The following POLR3F variants were observed in gnomAD, a reference collection of about 807,000 sequenced individuals.
POLR3F encodes the protein DNA-directed RNA polymerase III subunit RPC6.
In POLR3F, 31 loss-of-function variants were observed where a neutral mutation model predicts 43.6. The observed-to-expected ratio is 0.71, with a 90% CI of 0.53 to 0.96. The LOEUF (loss-of-function observed/expected upper bound fraction) is 0.96, where lower values mean the gene tolerates loss of function less well. Among genes scored for constraint, POLR3F ranks in the 40% least tolerant of loss-of-function variants. POLR3F has a pLI of 0.00. For synonymous variants in POLR3F, 114 were observed against 132.5 expected, an observed-to-expected ratio of 0.86 and a Z score of 0.96; for missense variants, 316 against 391.7, an observed-to-expected ratio of 0.81 and a Z score of 1.63.
chr20:18,474,641 C>T lies in POLR3F; in HGVS notation c.317-434C>T, dbSNP rs575772244. On this transcript the variant is annotated intron_variant, in intron 4 of 8. Coordinates refer to ENST00000377603, the MANE Select transcript of POLR3F (RefSeq NM_006466.4). ...TCAAACGAGTCTCATGCCTCAGCCT[C>T]CCGAGTAGCTAGGACTACAGGTGCA... 6.6e-5 allele frequency among the ~76,000 whole-genome samples: 10 copies of T among 152,130 alleles called. No individual in the cohort carries two copies. The East Asian group carries it at 7.7e-4, about 12-fold the overall frequency.
Position 18,467,520 on chromosome 20 carries a change from AG to A in POLR3F, c.16del (p.Val6Ter). ...AACTGCGCCCTCATGGCGGAGGTGA[AG>A]GTGAAGGTGCAGCCGCCTGACGCGG... MAEV[K>X]VKVQPPDADP... On this transcript the variant is annotated frameshift_variant, in exon 1 of 9. Transcript: ENST00000377603. LOFTEE classifies it high-confidence loss of function. 6.2e-7 allele frequency: 1 copy of A among 1,614,256 alleles called. No homozygotes were observed. The highest frequency in any genetic ancestry group is 8.5e-7 in the Non-Finnish European group (1 of 1,180,044).
In POLR3F at chr20:18,475,063, A is replaced by G. The variant is rs758035301; in HGVS notation, c.317-12A>G. 2.8e-6 allele frequency: 3 copies of G among 1,082,116 alleles called. No individual in the cohort carries two copies. Among genetic ancestry groups the G allele is most frequent in the Non-Finnish European group, 4.2e-6 (3 of 714,654 alleles). 67.0% of individuals were successfully genotyped at this position (1,082,116 alleles called of 1,614,324 possible). A position where few individuals can be genotyped will look rare whatever the true frequency, so the allele number is the denominator to read the frequency against. Reference sequence around the variant, plus strand: ...ACCAGAGTTCAACTTATTTTACTTTACTTTCTTATAGGAATATGGAGCAGA... The same window carrying G: ...ACCAGAGTTCAACTTATTTTACTTTGCTTTCTTATAGGAATATGGAGCAGA... On this transcript the variant is annotated splice_polypyrimidine_tract_variant and intron_variant, in intron 4 of 8. Transcript: ENST00000377603.
Position 18,473,606 on chromosome 20 carries a change from G to A in POLR3F, c.316+148G>A, listed in dbSNP as rs1046069005. ...ATACAAATATAACATGCATGTGCTT[G>A]AAGGACACCCAAGAGTAAGGCCGTT... is the stretch of plus-strand genomic sequence containing the variant. On this transcript the variant is annotated intron_variant, in intron 4 of 8. Coordinates refer to ENST00000377603, the MANE Select transcript of POLR3F (RefSeq NM_006466.4). 1.8e-5 allele frequency: 8 copies of A among 445,290 alleles called. No homozygotes were observed. In the Admixed American group the frequency reaches 2.9e-4, roughly 16 times the overall value. 27.6% of individuals were successfully genotyped at this position (445,290 alleles called of 1,614,324 possible).
In POLR3F at chr20:18,467,478, T is replaced by C. The variant is rs1251045714; in HGVS notation, c.-29T>C. 4 of 1,613,670 alleles carry C rather than the reference T, an allele frequency of 2.5e-6. No homozygotes were observed. Among genetic ancestry groups the C allele is most frequent in the East Asian group, 4.5e-5 (2 of 44,872 alleles). Reference sequence around the variant, plus strand: ...GCTACCGGGCTGCTCCGTGCATCTTTCCCCCCAGGCGTCAGGAACTGCGCC... The same window carrying C: ...GCTACCGGGCTGCTCCGTGCATCTTCCCCCCCAGGCGTCAGGAACTGCGCC... On this transcript the variant is annotated 5_prime_UTR_variant, in exon 1 of 9. Coordinates refer to ENST00000377603, the MANE Select transcript of POLR3F (RefSeq NM_006466.4).
At chr20:18,469,770 A>G (rs556464701) in intron 2 of POLR3F, among the ~76,000 whole-genome samples, 2 of 152,336 alleles carry the variant, frequency 1.3e-5, no homozygotes, top group East Asian at 3.9e-4. Context: ...GTATTTATTA[A>G]TTGCCACTGC....
In POLR3F at chr20:18,482,458, G is replaced by C. The variant is rs576197663; in HGVS notation, c.873+648G>C. Among the ~76,000 whole-genome samples, 333 of 152,250 alleles carry C rather than the reference G, an allele frequency of 2.2e-3. 2 individuals are homozygous for C. Among genetic ancestry groups the C allele is most frequent in the Non-Finnish European group, 3.6e-3 (247 of 68,010 alleles). On this transcript the variant is annotated intron_variant, in intron 8 of 8. Transcript: ENST00000377603. ...AGATATGTCCTTGATGATTTCCATA[G>C]GCGGTCTCATTTAATCCTCCTTACA...
chr20:18,470,283 T>C (rs527649319), intron 2 of POLR3F, among the ~76,000 whole-genome samples: 1 of 152,306 alleles, frequency 6.6e-6, no homozygotes, highest in East Asian at 1.9e-4. Context: ...ATGTGGAGAT[T>C]TGGGGTCCGA....
intron 4 of POLR3F, among the ~76,000 whole-genome samples, 195 bp downstream of exon 4, chr20:18,473,653 A>T (rs2059765418): frequency 6.6e-6 from 1 of 152,164 alleles, no homozygotes; most frequent in Non-Finnish European, 1.5e-5. Context: ...AGAGACAAGA[A>T]CTAAAGGGCT....
chr20:18,479,890 A>T, intron 5 of POLR3F, 148 bp from the exon 6 acceptor site: 1 of 522,568 alleles, frequency 1.9e-6, no homozygotes, highest in Non-Finnish European at 3.3e-6. Context: ...GATGTTAAAA[A>T]TAGGGGAAAC....
intron 5 of POLR3F, among the ~76,000 whole-genome samples, chr20:18,475,775 T>C (rs1474526893): frequency 6.6e-6 from 1 of 152,216 alleles, no homozygotes; most frequent in Non-Finnish European, 1.5e-5. Context: ...ATTCAAATTT[T>C]ATAATTTCAG....
At position 18,475,080 on chromosome 20, in the gene POLR3F, T is replaced by G. The variant is rs1426492398; in HGVS notation, c.322T>G (p.Trp108Gly). ...TTTACTTTACTTTCTTATAGGAATA[T>G]GGAGCAGAGATATCCGCTATAAAAG... ...IIEDAGNKGI[W>G]SRDIRYKSNL... Residue 108 changes from tryptophan (W) to glycine (G), a missense_variant, in exon 5 of 9, where the codon TGG becomes GGG. Physicochemically the swap from Trp to Gly is radical, Grantham distance 184. Around this residue, in one of 3 missense-constraint regions of POLR3F, gnomAD observed 109 missense variants for 177.7 expected, o/e 0.61. Transcript: ENST00000377603. 3 of 1,320,286 alleles carry G rather than the reference T, an allele frequency of 2.3e-6. No individual in the cohort carries two copies. The highest frequency in any genetic ancestry group is 3.3e-6 in the Non-Finnish European group (3 of 921,198). 81.8% of individuals were successfully genotyped at this position (1,320,286 alleles called of 1,614,324 possible). A position where few individuals can be genotyped will look rare whatever the true frequency, so the allele number is the denominator to read the frequency against.
At chr20:18,483,382 G>A (rs895136822) in intron 8 of POLR3F, 99 bp from the exon 9 acceptor site, 4 of 634,866 alleles carry the variant, frequency 6.3e-6, no homozygotes, top group South Asian at 1.9e-5. Flanking sequence ...GTCCCTTTCA[G>A]TTTGAAAGTT....
rs765978367 is a variant in POLR3F at position 18,480,465 on chromosome 20, T to C, written c.637T>C (p.Ser213Pro). The change falls in exon 7 of 9, where the codon TCA (serine) becomes CCA (proline). Residue 213 changes from serine (S) to proline (P), a missense_variant. Ser to Pro is a moderately conservative substitution (Grantham distance 74, BLOSUM62 -1). Transcript: ENST00000377603. ...MIQRNSSFASSHEVWKYICEL... is the reference protein window; with the variant it reads ...MIQRNSSFASPHEVWKYICEL... ...ACAAAGAAATAGTTCATTTGCCTCA[T>C]CACATGAAGTGTGGAAATATATCTG... 1.2e-6 allele frequency: 2 copies of C among 1,610,856 alleles called. No individual in the cohort carries two copies. The highest frequency in any genetic ancestry group is 3.3e-5 in the Admixed American group (2 of 60,012).
At position 18,483,949 on chromosome 20, in the gene POLR3F, GT is replaced by G. The variant is rs948050312; in HGVS notation, c.*400del. 3.1e-5 allele frequency: 12 copies of G among 393,362 alleles called. No homozygotes were observed. The highest frequency in any genetic ancestry group is 2.9e-4 in the South Asian group (2 of 6,976). 24.4% of individuals were successfully genotyped at this position (393,362 alleles called of 1,614,324 possible). On this transcript the variant is annotated 3_prime_UTR_variant, in exon 9 of 9. Coordinates refer to ENST00000377603, the MANE Select transcript of POLR3F (RefSeq NM_006466.4). ...TTATTTATTAAGTTCTTCATTGGAA[GT>G]TTTTTTTTATATCTGGTTCACTACC...
chr20:18,483,543 G>A lies in POLR3F; in HGVS notation c.936G>A (p.Glu312=). The A allele has an allele frequency of 6.7e-7, 1 of 1,495,792 alleles. No individual in the cohort carries two copies. The highest frequency in any genetic ancestry group is 9.1e-7 in the Non-Finnish European group (1 of 1,095,020). The allele number at this position is 1,495,792 out of a possible 1,614,324, so 92.7% of individuals were successfully genotyped here. A position where few individuals can be genotyped will look rare whatever the true frequency, so the allele number is the denominator to read the frequency against. ...ISPSNCIYMT[E]WLEF The stretch of plus-strand genomic sequence containing the variant: ...CATCTAACTGTATTTACATGACAGA[G>A]TGGCTCGAATTTTAATAGAGAGCTA... The change falls in exon 9 of 9, where the codon GAG becomes GAA. Residue 312 remains glutamate (E), a synonymous_variant. Coordinates refer to ENST00000377603, the MANE Select transcript of POLR3F (RefSeq NM_006466.4).
chr20:18,472,985 A>T, intron 3 of POLR3F, 76 bp downstream of exon 3: 1 of 697,132 alleles, frequency 1.4e-6, no homozygotes, highest in Non-Finnish European at 2.5e-6. Flanking sequence ...AAGCTAATAC[A>T]AAATTACATA....
At chr20:18,482,178 G>A (rs904449124) in intron 8 of POLR3F, among the ~76,000 whole-genome samples, 1 of 151,268 alleles carries the variant, frequency 6.6e-6, no homozygotes. Flanking sequence ...TAGTGGAGAC[G>A]GGGTTTCACC....
rs553592742 is a variant in POLR3F at position 18,483,189 on chromosome 20, C to T, written c.874-292C>T. 2.2e-4 allele frequency among the ~76,000 whole-genome samples: 34 copies of T among 152,168 alleles called. No homozygotes were observed. In the South Asian group the frequency reaches 6.4e-3, roughly 29 times the overall value. The stretch of plus-strand genomic sequence containing the variant: ...AAGCAATTCTCCTGCCTCAGCCTCC[C>T]GAGTAGCTGGGATTACAGGTGCCTG... On this transcript the variant is annotated intron_variant, in intron 8 of 8. Coordinates refer to ENST00000377603, the MANE Select transcript of POLR3F (RefSeq NM_006466.4).
intron 5 of POLR3F, among the ~76,000 whole-genome samples, chr20:18,475,475 G>A (rs555142222): frequency 2.0e-5 from 3 of 152,268 alleles, no homozygotes; most frequent in South Asian, 4.1e-4. Context: ...ACTTTATCCC[G>A]ACATATTAGC....
Sources: allele counts gnomAD v4.1 joint callset (sites outside exome capture counted in the v4.1 genomes callset), GRCh38; gene constraint gnomAD v4.1.1; regional missense constraint gnomAD v4.1.1; transcripts MANE v1.5; gene names NCBI Gene and HGNC (gene_info 2026-07-23, HGNC 2026-07-21).